Variants in PDE4B observed in about 807,000 individuals in gnomAD.
The protein encoded by PDE4B is phosphodiesterase 4B.
Under a neutral mutation model 82.2 loss-of-function variants are expected in PDE4B, and 20 were observed. The ratio of observed to expected loss-of-function variants is 0.24; its 90% CI spans 0.17 to 0.35. The LOEUF is 0.35. PDE4B is among the 10% of genes least tolerant of loss of function. The pLI is 1.00. For synonymous variants in PDE4B, 320 were observed against 318.9 expected (o/e 1.00, Z -0.04); for missense variants, 655 against 907.2 (o/e 0.72, Z 3.57).
intron 3 of PDE4B, among the ~76,000 whole-genome samples, chr1:65,980,528 G>T (rs868140496): frequency 6.6e-6 from 1 of 152,132 alleles, no homozygotes; most frequent in Non-Finnish European, 1.5e-5. Flanking sequence ...GTTATAAAAG[G>T]GGGGTGTTGG....
chr1:65,855,627 C>T (rs1260436183), intron 1 of PDE4B, among the ~76,000 whole-genome samples: 4 of 152,176 alleles, frequency 2.6e-5, no homozygotes, highest in East Asian at 3.9e-4. Context: ...CATTTCACCC[C>T]GCATAGGTAT....
chr1:66,289,766 T>C (rs1047846400), intron 7 of PDE4B, among the ~76,000 whole-genome samples: 9 of 151,818 alleles, frequency 5.9e-5, no homozygotes, highest in Non-Finnish European at 1.0e-4. Flanking sequence ...ATAAATTGGA[T>C]TGGAAAGAGA....
chr1:66,074,476 T>C (rs1369270127), intron 3 of PDE4B, among the ~76,000 whole-genome samples: 5 of 152,106 alleles, frequency 3.3e-5, no homozygotes, highest in Non-Finnish European at 5.9e-5. Flanking sequence ...TGTACTAATA[T>C]TACACATAAC....
chr1:66,338,741 G>C (rs530160654), intron 8 of PDE4B, among the ~76,000 whole-genome samples: 92 of 152,138 alleles, frequency 6.0e-4, no homozygotes, highest in African/African-American at 2.2e-3. Flanking sequence ...ATTCTTGGCC[G>C]GGCGCGGTGG....
chr1:66,153,932 T>C (rs1275977638), intron 3 of PDE4B, among the ~76,000 whole-genome samples: 1 of 152,232 alleles, frequency 6.6e-6, no homozygotes, highest in African/African-American at 2.4e-5. Flanking sequence ...AGATGCCTGA[T>C]ATACCATCAT....
In PDE4B at chr1:65,918,773, G is replaced by A. The variant is rs755060121; in HGVS notation, c.219G>A (p.Arg73=). The change falls in exon 3 of 17, where the codon AGG becomes AGA. Residue 73 remains arginine (R), a synonymous_variant. Coordinates refer to ENST00000341517, the MANE Select transcript of PDE4B (RefSeq NM_002600.4). ...CTCCTGAGGGAGATGGTATTTCCAG[G>A]CCGACCACACTGCCTTTGACAACGC... ...ARTPEGDGIS[R]PTTLPLTTLP... is the part of the protein sequence containing the mutation. 2.5e-6 allele frequency: 4 copies of A among 1,614,100 alleles called. No individual in the cohort carries two copies. In the Admixed American group the frequency reaches 6.7e-5, roughly 27 times the overall value.
chr1:65,895,870 A>T (rs1377973884), intron 1 of PDE4B, among the ~76,000 whole-genome samples: 1 of 149,908 alleles, frequency 6.7e-6, no homozygotes, highest in East Asian at 1.9e-4. Context: ...TAGATTTAAC[A>T]TGGTTTACAA....
At chr1:66,145,789 A>G (rs947428160) in intron 3 of PDE4B, among the ~76,000 whole-genome samples, 11 of 152,222 alleles carry the variant, frequency 7.2e-5, no homozygotes, top group African/African-American at 2.7e-4. Flanking sequence ...CCAGTTCATT[A>G]CAGCTTTGCT....
At chr1:66,196,725 C>T (rs917419585) in intron 3 of PDE4B, among the ~76,000 whole-genome samples, 5 of 148,974 alleles carry the variant, frequency 3.4e-5, no homozygotes, top group East Asian at 3.9e-4. Flanking sequence ...AACCAAACAC[C>T]GCATATTCTC....
chr1:65,824,256 G>A lies in PDE4B; in HGVS notation c.-71+31008G>A, dbSNP rs539603408. Among the ~76,000 whole-genome samples, 3 of 152,060 alleles carry A rather than the reference G, an allele frequency of 2.0e-5. No individual in the cohort carries two copies. The South Asian group carries it at 6.2e-4, about 32-fold the overall frequency. ...TCCTAGGGTATCTTTCACATACTTA[G>A]TGTGAAGATAAAAGGAGACCATTGG... On this transcript the variant is annotated intron_variant, in intron 1 of 16. Coordinates refer to ENST00000341517, the MANE Select transcript of PDE4B (RefSeq NM_002600.4).
At chr1:66,094,294 T>G (rs1645075905) in intron 3 of PDE4B, among the ~76,000 whole-genome samples, 1 of 151,976 alleles carries the variant, frequency 6.6e-6, no homozygotes, top group Non-Finnish European at 1.5e-5. Context: ...ACTTAGTGAT[T>G]AATGATTTTT....
At chr1:66,140,271 G>T (rs984233340) in intron 3 of PDE4B, among the ~76,000 whole-genome samples, 1 of 152,078 alleles carries the variant, frequency 6.6e-6, no homozygotes, top group Non-Finnish European at 1.5e-5. Flanking sequence ...ATCCAGAAAG[G>T]CCAGCCACTC....
At chr1:66,212,869 C>T (rs1407912228) in intron 3 of PDE4B, among the ~76,000 whole-genome samples, 3 of 152,168 alleles carry the variant, frequency 2.0e-5, no homozygotes, top group East Asian at 1.9e-4. Context: ...AATACAGCAA[C>T]GAGACCTCTC....
intron 3 of PDE4B, among the ~76,000 whole-genome samples, chr1:65,955,348 C>G (rs7553566): frequency 0.063 from 9,593 of 152,166 alleles, 355 homozygotes; most frequent in Middle Eastern, 0.18. Context: ...ACTACATCCA[C>G]TAAAGTCAAG....
At position 65,827,637 on chromosome 1, in the gene PDE4B, A is replaced by G. The variant is rs191139242; in HGVS notation, c.-71+34389A>G. On this transcript the variant is annotated intron_variant, in intron 1 of 16. Coordinates refer to ENST00000341517, the MANE Select transcript of PDE4B (RefSeq NM_002600.4). ...TGAGAAAACCGAAGAAGATCAGAGC[A>G]TCCAAGAGCTGAGACATTATCAAAC... Among the ~76,000 whole-genome samples the G allele has an allele frequency of 3.9e-5, 6 of 152,306 alleles. No homozygotes were observed. In the East Asian group the frequency reaches 1.2e-3, roughly 29 times the overall value.
At chr1:66,065,749 T>G (rs536934899) in intron 3 of PDE4B, among the ~76,000 whole-genome samples, 1 of 152,016 alleles carries the variant, frequency 6.6e-6, no homozygotes, top group South Asian at 2.1e-4. Context: ...GCAGAGTGAA[T>G]GAACACTGAA....
intron 3 of PDE4B, among the ~76,000 whole-genome samples, chr1:66,209,688 C>T (rs1649868340): frequency 6.6e-6 from 1 of 152,204 alleles, no homozygotes; most frequent in African/African-American, 2.4e-5. Context: ...GTCTCTCTTA[C>T]TCCTTGCCCC....
intron 3 of PDE4B, among the ~76,000 whole-genome samples, chr1:66,083,106 C>T (rs1557548199): frequency 1.3e-5 from 2 of 152,136 alleles, no homozygotes; most frequent in African/African-American, 2.4e-5. Context: ...ATTACCACAA[C>T]AGCCTTCTAG....
chr1:66,045,930 G>T (rs1654687966), intron 3 of PDE4B, among the ~76,000 whole-genome samples: 1 of 151,680 alleles, frequency 6.6e-6, no homozygotes. Flanking sequence ...AGGCTGTAAG[G>T]GTGAGAACCA....
Sources: allele counts gnomAD v4.1 joint callset (sites outside exome capture counted in the v4.1 genomes callset), GRCh38; gene constraint gnomAD v4.1.1; transcripts MANE v1.5; gene names NCBI Gene and HGNC (gene_info 2026-07-23, HGNC 2026-07-21).